SBF2: variants seen among roughly 807,000 people sequenced by gnomAD.
SBF2 encodes the protein SET binding factor 2, also known as myotubularin-related protein 13.
In SBF2, 112 loss-of-function variants were observed where a neutral mutation model predicts 225.2. That is an observed-to-expected ratio of 0.50 (90% CI 0.43 to 0.58). The LOEUF (loss-of-function observed/expected upper bound fraction) is 0.58. SBF2 is among the 20% of genes least tolerant of loss of function. The pLI is 0.00. For synonymous variants in SBF2, 763 were observed against 773.3 expected, an observed-to-expected ratio of 0.99 and a Z score of 0.22; for missense variants, 1,996 against 2,206.2, an observed-to-expected ratio of 0.90 and a Z score of 1.91.
chr11:10,103,860 T>C (rs1565232748), intron 2 of SBF2, among the ~76,000 whole-genome samples: 4 of 152,172 alleles, frequency 2.6e-5, no homozygotes, highest in Non-Finnish European at 5.9e-5. Flanking sequence ...GCAAAAGGAC[T>C]GCTTGAGCCG....
intron 6 of SBF2, among the ~76,000 whole-genome samples, chr11:10,018,475 A>G (rs185612985): frequency 6.6e-6 from 1 of 152,332 alleles, no homozygotes; most frequent in African/African-American, 2.4e-5. Flanking sequence ...ATGCTGAAAG[A>G]GCAAACAGAA....
intron 1 of SBF2, among the ~76,000 whole-genome samples, chr11:10,239,763 AAAC>A (rs1179676873): frequency 0.038 from 5,717 of 151,452 alleles, 227 homozygotes; most frequent in South Asian, 0.087. Flanking sequence ...TGCACTATAT[AAAC>A]CTAATGGTAA....
intron 6 of SBF2, among the ~76,000 whole-genome samples, chr11:10,007,382 A>T (rs1009450761): frequency 6.6e-6 from 1 of 152,218 alleles, no homozygotes; most frequent in Non-Finnish European, 1.5e-5. Context: ...AACCCTAAAA[A>T]GGGAAAGGCT....
chr11:9,805,915 C>G (rs1853816217), intron 32 of SBF2, among the ~76,000 whole-genome samples: 1 of 152,222 alleles, frequency 6.6e-6, no homozygotes, highest in Admixed American at 6.5e-5. Context: ...GCCACCACGC[C>G]CGACCAGGAT....
chr11:9,855,161 A>G (rs571587856), intron 19 of SBF2, among the ~76,000 whole-genome samples: 1 of 152,334 alleles, frequency 6.6e-6, no homozygotes, highest in East Asian at 1.9e-4. Context: ...TTGAAGTGAT[A>G]AAGGCCAGAC....
intron 1 of SBF2, among the ~76,000 whole-genome samples, chr11:10,226,219 T>C (rs570971459): frequency 6.6e-6 from 1 of 152,302 alleles, no homozygotes; most frequent in East Asian, 1.9e-4. Flanking sequence ...CATAGAAAGA[T>C]GTCCCAAAAA....
intron 2 of SBF2, among the ~76,000 whole-genome samples, chr11:10,175,269 C>G (rs1956406353): frequency 1.3e-5 from 2 of 151,738 alleles, no homozygotes; most frequent in Admixed American, 1.3e-4. Flanking sequence ...GGAAACCCAT[C>G]TCACGTGCAG....
At chr11:10,236,454 C>A (rs556206890) in intron 1 of SBF2, among the ~76,000 whole-genome samples, 47 of 152,056 alleles carry the variant, frequency 3.1e-4, no homozygotes, top group Admixed American at 3.0e-3. Context: ...CAGAGCGAGT[C>A]CGTCTCTTTT....
chr11:9,809,041 T>G, intron 30 of SBF2, 39 bp from the exon 31 acceptor site: 1 of 1,508,208 alleles, frequency 6.6e-7, no homozygotes, highest in Non-Finnish European at 9.2e-7. Context: ...GACCAAGCGC[T>G]TTCTGAGTGC....
chr11:10,192,677 T>C (rs534900660), intron 2 of SBF2, among the ~76,000 whole-genome samples: 121 of 152,250 alleles, frequency 7.9e-4, no homozygotes, highest in African/African-American at 2.6e-3. Context: ...AGTATTCTGC[T>C]GGCTCAAAGT....
intron 13 of SBF2, among the ~76,000 whole-genome samples, chr11:9,970,838 C>G (rs1383080572): frequency 6.6e-6 from 1 of 152,156 alleles, no homozygotes; most frequent in Admixed American, 6.5e-5. Flanking sequence ...CTAGCAAAGA[C>G]AGGGAAAAAT....
rs551860205 is a variant in SBF2, at chr11:9,840,272, C to A, written c.3257-576G>T. On this transcript the variant is annotated intron_variant, in intron 25 of 39. Coordinates refer to ENST00000256190, the MANE Select transcript of SBF2 (RefSeq NM_030962.4). ...AGCCGCAAAAAAAAAAAAAAACAAA[C>A]CCGCTACTTTTGAAGAAGACTCTTA... Among the ~76,000 whole-genome samples, 485 of 137,990 alleles carry A rather than the reference C, an allele frequency of 3.5e-3. 4 individuals are homozygous for A. The highest frequency in any genetic ancestry group is 5.7e-3 in the South Asian group (24 of 4,238). 90.5% of individuals were successfully genotyped at this position (137,990 alleles called of 152,430 possible). A position where few individuals can be genotyped will look rare whatever the true frequency, so the allele number is the denominator to read the frequency against.
chr11:10,222,584 G>A (rs1958378765), intron 1 of SBF2, among the ~76,000 whole-genome samples: 1 of 152,150 alleles, frequency 6.6e-6, no homozygotes, highest in Admixed American at 6.6e-5. Flanking sequence ...TTGAAGAACT[G>A]AGAAAAAGCA....
chr11:9,808,900 C>T lies in SBF2; in HGVS notation c.4257+1G>A, dbSNP rs876661288. On this transcript the variant is annotated splice_donor_variant, in intron 31 of 39. Transcript: ENST00000256190. LOFTEE classifies it high-confidence loss of function. ...ATCAAAAAATATGTCTAATAGTTTA[C>T]TTGTGCAGTGATGTCCCAGCCTTCC... 6.2e-7 allele frequency: 1 copy of T among 1,601,054 alleles called. No homozygotes were observed. Among genetic ancestry groups the T allele is most frequent in the Non-Finnish European group, 8.6e-7 (1 of 1,168,212 alleles).
At chr11:10,224,666 T>C (rs1241611376) in intron 1 of SBF2, among the ~76,000 whole-genome samples, 1 of 152,184 alleles carries the variant, frequency 6.6e-6, no homozygotes, top group Non-Finnish European at 1.5e-5. Flanking sequence ...CCTTTCTGCA[T>C]ACATGGCTGG....
intron 1 of SBF2, among the ~76,000 whole-genome samples, chr11:10,286,160 G>A (rs1335783393): frequency 2.7e-5 from 3 of 110,412 alleles, no homozygotes; most frequent in South Asian, 2.8e-4. Context: ...ACATAAACAC[G>A]CACACGCACA....
chr11:10,295,215 C>G (rs1272472845), upstream of SBF2, among the ~76,000 whole-genome samples: 2 of 152,154 alleles, frequency 1.3e-5, no homozygotes, highest in African/African-American at 4.8e-5. Context: ...AGGGTTTGAT[C>G]CTTCATATTT....
chr11:10,228,526 C>T (rs1232006746), intron 1 of SBF2, among the ~76,000 whole-genome samples: 1 of 152,148 alleles, frequency 6.6e-6, no homozygotes, highest in Non-Finnish European at 1.5e-5. Context: ...GAGTTTTTAG[C>T]ATGAAGCATT....
chr11:9,905,123 T>C (rs1862023004), intron 16 of SBF2, among the ~76,000 whole-genome samples: 1 of 152,220 alleles, frequency 6.6e-6, no homozygotes, highest in Non-Finnish European at 1.5e-5. Context: ...TAGAAATCAT[T>C]AATGCATGTA....
Sources: gnomAD v4.1 joint callset for allele counts (sites outside exome capture counted in the v4.1 genomes callset) on GRCh38, gnomAD v4.1.1 for gene constraint, MANE v1.5 for transcripts, NCBI Gene and HGNC (gene_info 2026-07-23, HGNC 2026-07-21) for gene names.